The following RPH3AL variants were observed in gnomAD, a reference collection of about 807,000 sequenced individuals.
The protein encoded by RPH3AL is rabphilin 3A like (without C2 domains), also known as rab effector Noc2.
A neutral mutation model predicts 43.1 loss-of-function variants in RPH3AL; 38 were observed. That is an observed-to-expected ratio of 0.88 (90% CI 0.68 to 1.15). The LOEUF (loss-of-function observed/expected upper bound fraction) is 1.15, where lower values mean the gene tolerates loss of function less well. Ranked by LOEUF, RPH3AL falls within the 50% of genes most tolerant of loss-of-function variation. The probability of loss-of-function intolerance (pLI) is 0.00; values close to 1 mark genes in which losing one functional copy is unlikely to be tolerated. For missense variants in RPH3AL, 462 were observed against 423.2 expected (o/e 1.09, Z -0.81); for synonymous variants, 189 against 176.3 (o/e 1.07, Z -0.57).
intron 6 of RPH3AL, among the ~76,000 whole-genome samples, chr17:255,420 G>T (rs1297532308): frequency 7.2e-4 from 2 of 2,788 alleles, no homozygotes; most frequent in Admixed American, 4.6e-3. Context: ...CTAGGAACGT[G>T]ACTACCCTAC....
intron 5 of RPH3AL, among the ~76,000 whole-genome samples, chr17:315,661 T>A: frequency 6.6e-6 from 1 of 152,046 alleles, no homozygotes; most frequent in Admixed American, 6.5e-5. Context: ...GTGCTCCACC[T>A]CCACTGACCT....
At position 321,274 on chromosome 17, in the gene RPH3AL, G is replaced by C. The variant is rs1169823639; in HGVS notation, c.219C>G (p.Ile73Met). ...ERLDVLEQQR[I>M]GRLVERLETM... ...AGCTGGCCCCGGCCCCGCCTCACCC[G>C]ATTCTCTGCTGCTCCAGGACGTCGA... The change falls in exon 4 of 10, where the codon ATC becomes ATG. Residue 73 changes from isoleucine (I) to methionine (M), a missense_variant and splice_region_variant. Transcript: ENST00000331302. The C allele has an allele frequency of 1.2e-6, 2 of 1,606,624 alleles. No individual in the cohort carries two copies. Among genetic ancestry groups the C allele is most frequent in the Middle Eastern group, 1.7e-4 (1 of 6,048 alleles).
At chr17:303,523 CCGTGTTT>C (rs1265259808) in intron 5 of RPH3AL, among the ~76,000 whole-genome samples, 4 of 130,114 alleles carry the variant, frequency 3.1e-5, no homozygotes, top group African/African-American at 8.4e-5. Context: ...TGAGCAGTGA[CCGTGTTT>C]CAGGAAAGAG....
At chr17:321,084 C>T (rs150986452) in intron 4 of RPH3AL, among the ~76,000 whole-genome samples, 188 bp downstream of exon 4, 5 of 152,282 alleles carry the variant, frequency 3.3e-5, no homozygotes, top group African/African-American at 4.8e-5. Context: ...GAGGCCTCAG[C>T]GGGCTGGGTT....
At chr17:339,604 C>T (rs1363486649) in intron 1 of RPH3AL, 2 of 152,186 alleles carry the variant, frequency 1.3e-5, no homozygotes, top group Non-Finnish European at 2.9e-5. Context: ...GAAACCAGCT[C>T]GAGAGGGGCA....
chr17:309,419 C>T (rs1368405926), intron 5 of RPH3AL, among the ~76,000 whole-genome samples: 2 of 152,000 alleles, frequency 1.3e-5, no homozygotes, highest in African/African-American at 4.8e-5. Context: ...GGGCTCCTGC[C>T]AGCCCCCTGC....
At chr17:221,801 C>A (rs200966971) in intron 7 of RPH3AL, among the ~76,000 whole-genome samples, 25 of 96,112 alleles carry the variant, frequency 2.6e-4, no homozygotes, top group East Asian at 1.2e-3. Context: ...TAGACCCAAG[C>A]ACAACAGCTC....
intron 5 of RPH3AL, among the ~76,000 whole-genome samples, chr17:314,626 C>A (rs2043822960): frequency 1.7e-5 from 2 of 119,348 alleles, no homozygotes; most frequent in African/African-American, 5.8e-5. Context: ...TGTGCCCCAC[C>A]TCCATTGACC....
At chr17:309,316 C>T (rs1598064490) in intron 5 of RPH3AL, among the ~76,000 whole-genome samples, 1 of 152,194 alleles carries the variant, frequency 6.6e-6, no homozygotes, top group Non-Finnish European at 1.5e-5. Context: ...ACTCCTCCTG[C>T]TCTGTCCATG....
At chr17:330,946 C>T (rs1475710138) in intron 2 of RPH3AL, 1 of 151,978 alleles carries the variant, frequency 6.6e-6, no homozygotes, top group Non-Finnish European at 1.5e-5. Flanking sequence ...AACAAGTCAA[C>T]TGTCTTCCTG....
At chr17:268,563 T>TTTTG (rs1555548842) in intron 6 of RPH3AL, among the ~76,000 whole-genome samples, 2 of 133,332 alleles carry the variant, frequency 1.5e-5, no homozygotes, top group Non-Finnish European at 3.2e-5. Context: ...GTTTTTTTTT[T>TTTTG]TTTTTTTTTT....
In RPH3AL at chr17:219,691, C is replaced by A. The variant is rs200467852; in HGVS notation, c.659G>T (p.Ser220Ile). The change falls in exon 8 of 10, where the codon AGC (serine) becomes ATC (isoleucine). Residue 220 changes from serine (S) to isoleucine (I), a missense_variant. Coordinates refer to ENST00000331302, the MANE Select transcript of RPH3AL (RefSeq NM_006987.4). The part of the protein sequence containing the change: ...SDSDSDLSSS[S>I]LEDRLPSTGV... ...AGTGGATGGGAGTCTGTCCTCTAGG[C>A]TGGAGGAGCTAAGATCCGAGTCACT... 6 of 1,613,688 alleles carry A rather than the reference C, an allele frequency of 3.7e-6. No homozygotes were observed. The highest frequency in any genetic ancestry group is 5.1e-6 in the Non-Finnish European group (6 of 1,179,902).
chr17:315,478 C>A (rs2043976014), intron 5 of RPH3AL, among the ~76,000 whole-genome samples: 4 of 151,008 alleles, frequency 2.6e-5, no homozygotes, highest in Admixed American at 6.6e-5. Context: ...GTGCTCCCAC[C>A]TCCATTGACC....
intron 1 of RPH3AL, among the ~76,000 whole-genome samples, chr17:338,246 G>C (rs2045013043): frequency 6.6e-6 from 1 of 152,106 alleles, no homozygotes; most frequent in South Asian, 2.1e-4. Flanking sequence ...AGGATCGTTT[G>C]AGCTCAGGAG....
At chr17:301,800 G>T (rs1448040842) in intron 5 of RPH3AL, among the ~76,000 whole-genome samples, 3 of 152,114 alleles carry the variant, frequency 2.0e-5, no homozygotes, top group African/African-American at 7.2e-5. Flanking sequence ...GTTCTGACCC[G>T]AGCCGTAGGA....
At chr17:332,858 G>A in intron 2 of RPH3AL, 1 of 487,846 alleles carries the variant, frequency 2.0e-6, no homozygotes. Flanking sequence ...GCAGCACTCG[G>A]GCTGGCCGGC....
chr17:338,216 C>T (rs541768277), intron 1 of RPH3AL, among the ~76,000 whole-genome samples: 3 of 152,250 alleles, frequency 2.0e-5, no homozygotes, highest in East Asian at 1.9e-4. Flanking sequence ...AACCCCAGCA[C>T]TTTGGGAAGC....
intron 5 of RPH3AL, among the ~76,000 whole-genome samples, chr17:314,453 C>T (rs58272096): frequency 0.036 from 4,621 of 128,512 alleles, 180 homozygotes; most frequent in Middle Eastern, 0.067. Context: ...CCTCCATTGA[C>T]CTGTAGTCTC....
intron 5 of RPH3AL, among the ~76,000 whole-genome samples, chr17:305,356 G>A (rs62053680): frequency 0.099 from 15,120 of 152,058 alleles, 828 homozygotes; most frequent in Middle Eastern, 0.12. Context: ...GCCCCACAGG[G>A]ACAATCCGGG....
Sources: allele counts gnomAD v4.1 joint callset (sites outside exome capture counted in the v4.1 genomes callset), GRCh38; gene constraint gnomAD v4.1.1; transcripts MANE v1.5; gene names NCBI Gene and HGNC (gene_info 2026-07-23, HGNC 2026-07-21).